MYLK4: variants seen among roughly 807,000 people sequenced by gnomAD.
The protein encoded by MYLK4 is myosin light chain kinase family member 4.
MYLK4 carries 46 observed loss-of-function variants against 48.1 expected under a neutral mutation model. The ratio of observed to expected loss-of-function variants is 0.96; its 90% CI spans 0.75 to 1.22. The LOEUF (loss-of-function observed/expected upper bound fraction) is 1.22, where lower values mean the gene tolerates loss of function less well. MYLK4 is among the 50% of genes most tolerant of loss of function. MYLK4 has a pLI of 0.00. For synonymous variants in MYLK4, 170 were observed against 180.8 expected (o/e 0.94, Z 0.48); for missense variants, 451 against 486.1 (o/e 0.93, Z 0.68).
intron 2 of MYLK4, among the ~76,000 whole-genome samples, chr6:2,726,907 C>T (rs55871727): frequency 0.28 from 41,989 of 152,078 alleles, 6,067 homozygotes; most frequent in Admixed American, 0.31. Context: ...CCACCGTGCC[C>T]GGGCACCTAC....
chr6:2,707,914 T>C (rs1762546188), intron 2 of MYLK4, among the ~76,000 whole-genome samples: 1 of 152,144 alleles, frequency 6.6e-6, no homozygotes, highest in Non-Finnish European at 1.5e-5. Flanking sequence ...TTTAGTGAAA[T>C]AGCATACCAT....
chr6:2,723,960 T>C (rs1360434369), intron 2 of MYLK4, among the ~76,000 whole-genome samples: 1 of 152,130 alleles, frequency 6.6e-6, no homozygotes, highest in Admixed American at 6.6e-5. Flanking sequence ...CACGGCAACC[T>C]CCGCCTCCCA....
At chr6:2,694,488 G>C (rs1240292520) in intron 2 of MYLK4, among the ~76,000 whole-genome samples, 2 of 103,290 alleles carry the variant, frequency 1.9e-5, no homozygotes, top group South Asian at 3.4e-4. Flanking sequence ...GATGGTAGTG[G>C]TCATGGTGGT....
intron 2 of MYLK4, among the ~76,000 whole-genome samples, chr6:2,696,350 C>T (rs549169283): frequency 4.6e-5 from 7 of 152,334 alleles, no homozygotes; most frequent in East Asian, 1.9e-4. Context: ...CGACGATATA[C>T]GCACACAAAT....
chr6:2,751,978 T>A (rs1363658924), upstream of MYLK4, among the ~76,000 whole-genome samples: 3 of 152,200 alleles, frequency 2.0e-5, no homozygotes, highest in African/African-American at 7.2e-5. Context: ...TGGTTTGAGG[T>A]TACCAATTTT....
At chr6:2,681,104 AG>A (rs1761281649) in intron 7 of MYLK4, among the ~76,000 whole-genome samples, 1 of 152,214 alleles carries the variant, frequency 6.6e-6, no homozygotes, top group Non-Finnish European at 1.5e-5. Flanking sequence ...CATTTATAAA[AG>A]AGAAAAAAAG....
intron 2 of MYLK4, among the ~76,000 whole-genome samples, chr6:2,725,577 A>AAGAAAGAAAAAAAG (rs748564605): frequency 1.6e-5 from 2 of 128,886 alleles, no homozygotes; most frequent in African/African-American, 5.8e-5. Context: ...GAAAGAAAGA[A>AAGAAAGAAAAAAAG]AAAGAAAGAG....
chr6:2,735,661 A>G (rs568885970), intron 2 of MYLK4, among the ~76,000 whole-genome samples: 3 of 152,266 alleles, frequency 2.0e-5, no homozygotes, highest in African/African-American at 7.2e-5. Flanking sequence ...AACCCATGAC[A>G]TAGTATTTAT....
chr6:2,744,241 T>C (rs1220470968), intron 2 of MYLK4: 1 of 378,118 alleles, frequency 2.6e-6, no homozygotes, highest in Non-Finnish European at 4.7e-6. Flanking sequence ...AAAGGAAAAA[T>C]ACGATGGCCT....
intron 2 of MYLK4, among the ~76,000 whole-genome samples, chr6:2,697,189 T>C (rs1285787570): frequency 6.6e-6 from 1 of 152,214 alleles, no homozygotes; most frequent in Non-Finnish European, 1.5e-5. Flanking sequence ...TCAAAATAAT[T>C]TGGAGACAAT....
At chr6:2,752,519 T>G (rs897209789), upstream of MYLK4, among the ~76,000 whole-genome samples, 1 of 152,144 alleles carries the variant, frequency 6.6e-6, no homozygotes, top group Non-Finnish European at 1.5e-5. Flanking sequence ...GTAGACACCT[T>G]TGCATATTTT....
Position 2,665,362 on chromosome 6 carries a change from T to G in MYLK4, c.*2563A>C, listed in dbSNP as rs773797850. On this transcript the variant is annotated 3_prime_UTR_variant, in exon 13 of 13. Coordinates refer to ENST00000274643, the MANE Select transcript of MYLK4 (RefSeq NM_001012418.5). ...TTCAAGTAACTCTAGACTGTAATCA[T>G]GAACTCTGCAATGCAAACTACCCTC... 1.3e-5 allele frequency: 2 copies of G among 152,380 alleles called. No homozygotes were observed. The highest frequency in any genetic ancestry group is 2.9e-5 in the Non-Finnish European group (2 of 68,056). The allele number at this position is 152,380 out of a possible 1,614,324, so 9.4% of individuals were successfully genotyped here.
the MYLK4 span, chr6:2,768,752 T>C: frequency 1.2e-6 from 2 of 1,614,042 alleles, no homozygotes; most frequent in Non-Finnish European, 8.5e-7. Context: ...TTTGTGACAT[T>C]ATCTGCAACA....
rs944130791 is a variant in MYLK4 at position 2,671,511 on chromosome 6, G to A, written c.1120-163C>T. On this transcript the variant is annotated intron_variant, in intron 11 of 12. Transcript: ENST00000274643. ...CCGACAACCCCCTGGCAGACACACC[G>A]GCCAACCTCAGAGTCCATCTCAGAG... is the stretch of plus-strand genomic sequence containing the variant. 1.3e-5 allele frequency among the ~76,000 whole-genome samples: 2 copies of A among 151,992 alleles called. 1 individual carries two copies. The highest frequency in any genetic ancestry group is 4.2e-4 in the South Asian group (2 of 4,816).
At chr6:2,684,963 T>A (rs1319018584) in intron 6 of MYLK4, among the ~76,000 whole-genome samples, 2 of 152,244 alleles carry the variant, frequency 1.3e-5, no homozygotes, top group Non-Finnish European at 2.9e-5. Context: ...ACCTTTGTAT[T>A]AGTGAATATG....
At chr6:2,694,224 G>A (rs1761927768) in intron 2 of MYLK4, among the ~76,000 whole-genome samples, 2 of 151,956 alleles carry the variant, frequency 1.3e-5, no homozygotes, top group Admixed American at 6.6e-5. Context: ...GTCCAGAGAC[G>A]GCACTTGCCT....
chr6:2,735,798 A>T (rs1279570917), intron 2 of MYLK4, among the ~76,000 whole-genome samples: 1 of 152,236 alleles, frequency 6.6e-6, no homozygotes, highest in Non-Finnish European at 1.5e-5. Flanking sequence ...CAAAAGGCAT[A>T]GAAGAGGAGA....
Position 2,745,856 on chromosome 6 carries a change from T to A in MYLK4, c.159+3280A>T, listed in dbSNP as rs1401461741. Among the ~76,000 whole-genome samples the A allele has an allele frequency of 5.4e-5, 8 of 149,012 alleles. No homozygotes were observed. The South Asian group carries it at 6.4e-4, about 12-fold the overall frequency. ...AGGAGAATCACTTGAGCCAGGGAGGTCAAAGCTGCAGTGAGCTGAGATCAC... is the reference window on the plus strand; with the variant it reads ...AGGAGAATCACTTGAGCCAGGGAGGACAAAGCTGCAGTGAGCTGAGATCAC... On this transcript the variant is annotated intron_variant, in intron 2 of 12. Transcript: ENST00000274643.
At chr6:2,762,802 C>A in the MYLK4 span, among the ~76,000 whole-genome samples, 3 of 152,162 alleles carry the variant, frequency 2.0e-5, no homozygotes, top group Non-Finnish European at 4.4e-5. Flanking sequence ...CAGACCTTCC[C>A]GGAGACCGTT....
Sources: allele counts gnomAD v4.1 joint callset (sites outside exome capture counted in the v4.1 genomes callset), GRCh38; gene constraint gnomAD v4.1.1; transcripts MANE v1.5; gene names NCBI Gene and HGNC (gene_info 2026-07-23, HGNC 2026-07-21).